Variants in RPTOR observed in about 807,000 individuals in gnomAD.
RPTOR encodes the protein regulatory-associated protein of mTOR.
Under a neutral mutation model 169.9 loss-of-function variants are expected in RPTOR, and 21 were observed. The ratio of observed to expected loss-of-function variants is 0.12; its 90% CI spans 0.09 to 0.18. The LOEUF (loss-of-function observed/expected upper bound fraction) is 0.18, where lower values mean the gene tolerates loss of function less well. Among genes scored for constraint, RPTOR ranks in the 10% least tolerant of loss-of-function variants. RPTOR has a pLI of 1.00. For synonymous variants in RPTOR, 732 were observed against 753.2 expected (o/e 0.97, Z 0.46); for missense variants, 1,133 against 1,855.9 (o/e 0.61, Z 7.16).
At chr17:80,919,333 G>A (rs2068717306) in intron 21 of RPTOR, among the ~76,000 whole-genome samples, 1 of 152,162 alleles carries the variant, frequency 6.6e-6, no homozygotes, top group African/African-American at 2.4e-5. Context: ...GCCCAAAAGT[G>A]CCTCTGGATA....
intron 20 of RPTOR, among the ~76,000 whole-genome samples, chr17:80,896,825 A>G (rs1055824420): frequency 2.0e-5 from 3 of 152,220 alleles, no homozygotes; most frequent in African/African-American, 4.8e-5. Flanking sequence ...AACAGGGTGT[A>G]TCTTTCCATT....
Position 80,892,279 on chromosome 17 carries a change from G to A in RPTOR, c.2101+442G>A, listed in dbSNP as rs548611340. The stretch of plus-strand genomic sequence containing the variant: ...CTCATCGCTGCCGGCAGCCCCTCCC[G>A]CTTCCACACAGCCGTCTCTGCCGTG... On this transcript the variant is annotated intron_variant, in intron 18 of 33. Transcript: ENST00000306801. Among the ~76,000 whole-genome samples the A allele has an allele frequency of 3.9e-5, 6 of 152,140 alleles. No homozygotes were observed. The South Asian group carries it at 6.2e-4, about 16-fold the overall frequency.
intron 6 of RPTOR, among the ~76,000 whole-genome samples, chr17:80,775,803 G>T (rs1460706268): frequency 1.3e-5 from 2 of 152,078 alleles, no homozygotes; most frequent in Non-Finnish European, 2.9e-5. Flanking sequence ...AGAATCCACT[G>T]TTTTTGCTAT....
chr17:80,594,070 T>TTTCTC (rs976836539), intron 1 of RPTOR, among the ~76,000 whole-genome samples: 2 of 152,122 alleles, frequency 1.3e-5, no homozygotes, highest in African/African-American at 2.4e-5. Flanking sequence ...TTCCTCTTTC[T>TTTCTC]TTCTCTTCTC....
chr17:80,556,895 A>G (rs1599546109), intron 1 of RPTOR, among the ~76,000 whole-genome samples: 1 of 152,116 alleles, frequency 6.6e-6, no homozygotes, highest in African/African-American at 2.4e-5. Flanking sequence ...GGAGTTCGAG[A>G]CCAGCCTGCC....
chr17:80,632,959 C>T (rs2065453385), intron 2 of RPTOR, among the ~76,000 whole-genome samples: 1 of 152,010 alleles, frequency 6.6e-6, no homozygotes, highest in South Asian at 2.1e-4. Context: ...TGTGCATCCC[C>T]CACGCTTTTA....
intron 3 of RPTOR, among the ~76,000 whole-genome samples, chr17:80,668,581 C>T (rs1194618392): frequency 6.6e-6 from 1 of 152,206 alleles, no homozygotes; most frequent in African/African-American, 2.4e-5. Flanking sequence ...ATGACACCCC[C>T]GTCTCCCATG....
At chr17:80,700,451 GTGA>G (rs1567864235) in intron 3 of RPTOR, among the ~76,000 whole-genome samples, 49 of 116,610 alleles carry the variant, frequency 4.2e-4, no homozygotes, top group African/African-American at 1.2e-3. Context: ...GGTGGTGGTG[GTGA>G]TGGTGGTGGT....
intron 1 of RPTOR, among the ~76,000 whole-genome samples, chr17:80,598,142 A>C (rs962336963): frequency 1.5e-5 from 2 of 135,220 alleles, no homozygotes; most frequent in African/African-American, 7.7e-5. Flanking sequence ...ACCCTGTCTC[A>C]AAAAAAAAGA....
chr17:80,965,344 G>A lies in RPTOR; in HGVS notation c.*1014G>A, dbSNP rs530030053. On this transcript the variant is annotated 3_prime_UTR_variant, in exon 34 of 34. Coordinates refer to ENST00000306801, the MANE Select transcript of RPTOR (RefSeq NM_020761.3). The stretch of plus-strand genomic sequence containing the variant: ...CAGGCAAGAGGCACTGCCGGGTCCC[G>A]GACGGCTCCGGGTGACACCAGCCCC... 46 of 233,316 alleles carry A rather than the reference G, an allele frequency of 2.0e-4. No individual in the cohort carries two copies. Among genetic ancestry groups the A allele is most frequent in the African/African-American group, 6.4e-4 (29 of 45,466 alleles). The allele number at this position is 233,316 out of a possible 1,614,324, so 14.5% of individuals were successfully genotyped here. A position where few individuals can be genotyped will look rare whatever the true frequency, so the allele number is the denominator to read the frequency against.
chr17:80,683,282 C>T (rs1170433679), intron 3 of RPTOR, among the ~76,000 whole-genome samples: 10 of 152,118 alleles, frequency 6.6e-5, no homozygotes, highest in East Asian at 3.9e-4. Flanking sequence ...CCTCAGTTTG[C>T]GTTTTCCTCC....
intron 18 of RPTOR, among the ~76,000 whole-genome samples, 174 bp from the exon 19 acceptor site, chr17:80,892,555 G>T (rs565109043): frequency 6.6e-6 from 1 of 152,216 alleles, no homozygotes; most frequent in Non-Finnish European, 1.5e-5. Flanking sequence ...GTGCTATCCC[G>T]CAGAGCCTCC....
chr17:80,642,657 C>T lies in RPTOR; in HGVS notation c.266-1071C>T, dbSNP rs114218339. Among the ~76,000 whole-genome samples, 457 of 152,196 alleles carry T rather than the reference C, an allele frequency of 3.0e-3. 2 individuals carry two copies. The highest frequency in any genetic ancestry group is 0.01 in the African/African-American group (418 of 41,510). On this transcript the variant is annotated intron_variant, in intron 2 of 33. Coordinates refer to ENST00000306801, the MANE Select transcript of RPTOR (RefSeq NM_020761.3). ...TTAATGTCATAGCATACAAAAAGTT[C>T]GTTGATGTGGTTTCAGATACTACAT... is the stretch of plus-strand genomic sequence containing the variant.
At chr17:80,581,782 C>T (rs959322192) in intron 1 of RPTOR, among the ~76,000 whole-genome samples, 3 of 152,262 alleles carry the variant, frequency 2.0e-5, no homozygotes, top group Admixed American at 6.5e-5. Flanking sequence ...CTGTGGATCC[C>T]TGTTATTCTC....
At chr17:80,691,454 G>GCGCA (rs2065990673) in intron 3 of RPTOR, among the ~76,000 whole-genome samples, 1 of 152,072 alleles carries the variant, frequency 6.6e-6, no homozygotes, top group African/African-American at 2.4e-5. Flanking sequence ...ATGTGTGTGT[G>GCGCA]TGCACGCATG....
At chr17:80,907,499 C>A (rs1187855229) in intron 20 of RPTOR, among the ~76,000 whole-genome samples, 2 of 152,268 alleles carry the variant, frequency 1.3e-5, no homozygotes, top group Non-Finnish European at 2.9e-5. Context: ...GCAGCCTCTA[C>A]CAGGATTGCT....
intron 20 of RPTOR, among the ~76,000 whole-genome samples, chr17:80,906,627 C>A (rs954682090): frequency 2.6e-5 from 4 of 152,232 alleles, no homozygotes; most frequent in African/African-American, 9.6e-5. Context: ...AAGAATGCTT[C>A]CTTTGGTTGA....
intron 25 of RPTOR, among the ~76,000 whole-genome samples, chr17:80,942,733 G>A (rs140901543): frequency 1.1e-3 from 175 of 152,358 alleles, no homozygotes; most frequent in African/African-American, 3.7e-3. Flanking sequence ...AGTCGGCGTC[G>A]CCCAGGAGAC....
At chr17:80,795,556 A>G (rs1429454153) in intron 7 of RPTOR, among the ~76,000 whole-genome samples, 2 of 151,832 alleles carry the variant, frequency 1.3e-5, no homozygotes, top group Admixed American at 1.3e-4. Flanking sequence ...CTAAATGCTA[A>G]AGGTTTATTT....
Sources: allele counts gnomAD v4.1 joint callset (sites outside exome capture counted in the v4.1 genomes callset), GRCh38; gene constraint gnomAD v4.1.1; transcripts MANE v1.5; gene names NCBI Gene and HGNC (gene_info 2026-07-23, HGNC 2026-07-21).